The following NDST1 variants were observed in gnomAD, a reference collection of about 807,000 sequenced individuals.
NDST1 encodes bifunctional heparan sulfate N-deacetylase/N-sulfotransferase 1.
Under a neutral mutation model 92.8 loss-of-function variants are expected in NDST1, and 35 were observed. The observed-to-expected ratio is 0.38, with a 90% CI of 0.29 to 0.50. NDST1 has a LOEUF of 0.50. NDST1 is among the 20% of genes least tolerant of loss of function. NDST1 has a pLI of 0.94. For synonymous variants in NDST1, 493 were observed against 500.3 expected, an observed-to-expected ratio of 0.99 and a Z score of 0.19; for missense variants, 822 against 1,182.7, an observed-to-expected ratio of 0.69 and a Z score of 4.47.
chr5:150,525,065 G>A (rs1347552705), intron 2 of NDST1, among the ~76,000 whole-genome samples: 3 of 152,200 alleles, frequency 2.0e-5, no homozygotes, highest in East Asian at 1.9e-4. Context: ...CCACCTCTGC[G>A]TTCCCGAATC....
chr5:150,537,616 C>T (rs778211019), intron 6 of NDST1, among the ~76,000 whole-genome samples: 4 of 152,182 alleles, frequency 2.6e-5, no homozygotes, highest in Non-Finnish European at 4.4e-5. Context: ...AATGTGTGCC[C>T]GAAACTTCAT....
intron 11 of NDST1, among the ~76,000 whole-genome samples, chr5:150,547,096 G>A (rs1211387186): frequency 1.3e-5 from 2 of 152,222 alleles, no homozygotes; most frequent in Non-Finnish European, 2.9e-5. Flanking sequence ...GAAGGCAGAG[G>A]AGGGGTTTCA....
rs200193567 is a variant in NDST1, at chr5:150,521,648, C to T, written c.394C>T (p.Arg132Cys). The change falls in exon 2 of 15, where the codon CGC (arginine) becomes TGC (cysteine). Residue 132 changes from arginine to cysteine, a missense_variant. Coordinates refer to ENST00000261797, the MANE Select transcript of NDST1 (RefSeq NM_001543.5). The surrounding 1 kb of genome is among the most constrained non-coding windows in gnomAD (Gnocchi z 5.9). Reference sequence around the variant, plus strand: ...CACGCTCACTGACAAGGGCCGTGGCCGCTTCGCCCTCATCATCTATGAGAA... The same window carrying T: ...CACGCTCACTGACAAGGGCCGTGGCTGCTTCGCCCTCATCATCTATGAGAA... ...MPTLTDKGRG[R>C]FALIIYENIL... 100 of 1,613,932 alleles carry T rather than the reference C, an allele frequency of 6.2e-5. No individual in the cohort carries two copies. The highest frequency in any genetic ancestry group is 4.6e-4 in the South Asian group (42 of 91,086).
intron 11 of NDST1, 96 bp downstream of exon 11, chr5:150,545,582 CCTACT>C (rs1325032592): frequency 1.7e-5 from 25 of 1,481,040 alleles, no homozygotes; most frequent in Middle Eastern, 2.1e-4. Context: ...TTAGTAAGCA[CCTACT>C]GTGTGCCAGC....
intron 2 of NDST1, among the ~76,000 whole-genome samples, chr5:150,525,188 G>A (rs1754416630): frequency 6.6e-6 from 1 of 152,212 alleles, no homozygotes; most frequent in African/African-American, 2.4e-5. Context: ...GGTGAGGCCT[G>A]CAGTGAGGCC....
At chr5:150,500,412 G>A (rs1000200761) in intron 1 of NDST1, among the ~76,000 whole-genome samples, 3 of 152,232 alleles carry the variant, frequency 2.0e-5, no homozygotes, top group African/African-American at 7.2e-5. Context: ...CTCTCTCTGG[G>A]CTACTCTTTT....
chr5:150,501,445 C>A (rs1398498151), intron 1 of NDST1, among the ~76,000 whole-genome samples: 1 of 152,182 alleles, frequency 6.6e-6, no homozygotes, highest in Non-Finnish European at 1.5e-5. Flanking sequence ...AAAGTCTTGT[C>A]ATCCATTGGT....
At chr5:150,508,466 C>T (rs1052994806) in intron 1 of NDST1, among the ~76,000 whole-genome samples, 6 of 152,076 alleles carry the variant, frequency 3.9e-5, no homozygotes, top group South Asian at 2.1e-4. Flanking sequence ...TCTAGGCTGA[C>T]CTGGCAGATT....
At chr5:150,500,040 C>A (rs1166400037) in intron 1 of NDST1, among the ~76,000 whole-genome samples, 1 of 152,176 alleles carries the variant, frequency 6.6e-6, no homozygotes, top group Non-Finnish European at 1.5e-5. Flanking sequence ...TCCGACAGCT[C>A]CCTTGTCCAA....
chr5:150,530,925 GA>G (rs1334556832), intron 3 of NDST1, among the ~76,000 whole-genome samples: 2 of 152,068 alleles, frequency 1.3e-5, no homozygotes, highest in African/African-American at 4.8e-5. Flanking sequence ...TAGAACAATA[GA>G]AATAGAAAAA....
In NDST1 at chr5:150,543,811, G is replaced by A. The variant is rs528206099; in HGVS notation, c.1970+840G>A. 1.2e-4 allele frequency among the ~76,000 whole-genome samples: 18 copies of A among 150,056 alleles called. No homozygotes were observed. The South Asian group carries it at 3.4e-3, about 28-fold the overall frequency. On this transcript the variant is annotated intron_variant, in intron 10 of 14. Transcript: ENST00000261797. ...TTTTTTTTTTTTGAGATGGAATCTCGCTCTGTCACCCAGGCTGCAGTGCAG... is the reference window on the plus strand; with the variant it reads ...TTTTTTTTTTTTGAGATGGAATCTCACTCTGTCACCCAGGCTGCAGTGCAG...
At chr5:150,551,918 G>A in intron 14 of NDST1, 63 bp downstream of exon 14, 3 of 1,595,036 alleles carry the variant, frequency 1.9e-6, no homozygotes, top group Non-Finnish European at 2.6e-6. Context: ...GTATGGAGTT[G>A]AGGGGGATTC....
chr5:150,537,503 G>A (rs889271307), intron 6 of NDST1, among the ~76,000 whole-genome samples: 8 of 152,128 alleles, frequency 5.3e-5, no homozygotes, highest in African/African-American at 1.9e-4. Context: ...CTCCCATAGC[G>A]CTCCCAGGCT....
At chr5:150,507,974 G>C (rs1277123870), upstream of NDST1, 1 of 152,380 alleles carries the variant, frequency 6.6e-6, no homozygotes, top group Non-Finnish European at 1.5e-5. Flanking sequence ...AGGAGGTAGG[G>C]GCTGGAGGCC....
chr5:150,508,322 AGTGTGT>A (rs56201209), intron 1 of NDST1, 96 bp downstream of exon 1: 82 of 146,062 alleles, frequency 5.6e-4, no homozygotes, highest in Admixed American at 2.5e-3. Context: ...GGTCCATCTG[AGTGTGT>A]GTGTGTGTGT....
intron 4 of NDST1, 102 bp downstream of exon 4, chr5:150,533,134 C>T: frequency 3.4e-6 from 4 of 1,167,382 alleles, no homozygotes; most frequent in Non-Finnish European, 5.2e-6. Flanking sequence ...GGTTTACTGG[C>T]CCACATTAGA....
At chr5:150,502,510 A>G (rs553504057) in intron 1 of NDST1, among the ~76,000 whole-genome samples, 101 of 151,570 alleles carry the variant, frequency 6.7e-4, no homozygotes, top group African/African-American at 2.3e-3. Context: ...GGTGGGGCCT[A>G]TGCTGGTGGG....
At position 150,549,787 on chromosome 5, in the gene NDST1, C is replaced by T. The variant is rs201660056; in HGVS notation, c.2426C>T (p.Ala809Val). ...TNTIDYHKTL[A>V]FDPKKGFWCQ... ...ACCATTGACTACCACAAAACCTTGG[C>T]GTGAGTGTTGCCTTTTCCTTTCTGC... Residue 809 changes from alanine (A) to valine (V), a missense_variant and splice_region_variant, in exon 13 of 15, where the codon GCG becomes GTG. Physicochemically the swap from Ala to Val is moderately conservative, Grantham distance 64. Transcript: ENST00000261797. 56 of 1,592,030 alleles carry T rather than the reference C, an allele frequency of 3.5e-5. No individual in the cohort carries two copies. The highest frequency in any genetic ancestry group is 3.4e-5 in the Non-Finnish European group (39 of 1,159,936).
At chr5:150,530,987 G>A (rs1260870875) in intron 3 of NDST1, among the ~76,000 whole-genome samples, 1 of 151,868 alleles carries the variant, frequency 6.6e-6, no homozygotes, top group African/African-American at 2.4e-5. Flanking sequence ...CACACACTCA[G>A]CTCAGTCCAG....
Sources: gnomAD v4.1 joint callset for allele counts (sites outside exome capture counted in the v4.1 genomes callset) on GRCh38, gnomAD v4.1.1 for gene constraint, Gnocchi (gnomAD v3.1) non-coding constraint, MANE v1.5 for transcripts, NCBI Gene and HGNC (gene_info 2026-07-23, HGNC 2026-07-21) for gene names.